ST7: variants seen among roughly 807,000 people sequenced by gnomAD.
The protein encoded by ST7 is suppressor of tumorigenicity 7 protein.
Under a neutral mutation model 78.7 loss-of-function variants are expected in ST7, and 28 were observed. That is an observed-to-expected ratio of 0.36 (90% CI 0.26 to 0.49). ST7 has a LOEUF of 0.49. ST7 is among the 20% of genes least tolerant of loss of function. The pLI is 0.99. For synonymous variants in ST7, 247 were observed against 249.6 expected (o/e 0.99, Z 0.10); for missense variants, 418 against 696.0 (o/e 0.60, Z 4.49).
intron 1 of ST7, chr7:116,967,580 C>G (rs1358390807): frequency 2.8e-6 from 1 of 352,048 alleles, no homozygotes; most frequent in African/African-American, 2.1e-5. Flanking sequence ...GGCGCCCTTA[C>G]CACATTCTAG....
chr7:116,988,447 C>T (rs1352281323), intron 1 of ST7, among the ~76,000 whole-genome samples: 1 of 152,130 alleles, frequency 6.6e-6, no homozygotes, highest in Non-Finnish European at 1.5e-5. Context: ...TTAGTTTTTA[C>T]TGTATTTTTC....
chr7:117,200,143 T>C (rs770168875), intron 12 of ST7, among the ~76,000 whole-genome samples: 2 of 152,102 alleles, frequency 1.3e-5, no homozygotes, highest in Non-Finnish European at 2.9e-5. Context: ...CAAAAACAAA[T>C]AATTTTTAAC....
intron 12 of ST7, among the ~76,000 whole-genome samples, chr7:117,208,096 T>C (rs935573717): frequency 1.3e-5 from 2 of 152,116 alleles, no homozygotes; most frequent in Non-Finnish European, 2.9e-5. Flanking sequence ...TTATTTATAT[T>C]ATGGCTGATA....
chr7:116,986,985 C>T (rs1315489419), intron 1 of ST7, among the ~76,000 whole-genome samples: 2 of 152,314 alleles, frequency 1.3e-5, no homozygotes, highest in African/African-American at 4.8e-5. Flanking sequence ...TTCAAATTCT[C>T]TGAGCCCTTT....
At chr7:117,139,714 C>G (rs1026072978) in intron 9 of ST7, among the ~76,000 whole-genome samples, 1 of 152,126 alleles carries the variant, frequency 6.6e-6, no homozygotes, top group Non-Finnish European at 1.5e-5. Context: ...GATAGATGCT[C>G]TCTAGGAAAG....
At chr7:117,215,931 A>C (rs1052092543) in intron 13 of ST7, among the ~76,000 whole-genome samples, 1 of 152,030 alleles carries the variant, frequency 6.6e-6, no homozygotes, top group African/African-American at 2.4e-5. Context: ...TCTGTATAAA[A>C]TTATCTAAGA....
chr7:117,135,444 G>T (rs933468728), intron 7 of ST7, among the ~76,000 whole-genome samples: 1 of 152,012 alleles, frequency 6.6e-6, no homozygotes, highest in Non-Finnish European at 1.5e-5. Context: ...CTACTTGTAG[G>T]TTCTTCCAGT....
chr7:117,109,730 T>C (rs949876749), intron 2 of ST7, among the ~76,000 whole-genome samples: 1 of 151,918 alleles, frequency 6.6e-6, no homozygotes, highest in African/African-American at 2.4e-5. Flanking sequence ...CAGGAAACAA[T>C]ATAACAAAAA....
chr7:117,198,330 A>C (rs1332720948), intron 12 of ST7: 1 of 456,292 alleles, frequency 2.2e-6, no homozygotes, highest in Non-Finnish European at 4.4e-6. Flanking sequence ...GCTAGGTGGA[A>C]ATAGAGGCTG....
intron 1 of ST7, chr7:117,015,047 G>T: frequency 9.5e-7 from 1 of 1,054,752 alleles, no homozygotes. Flanking sequence ...TTCCAGTTAT[G>T]TAGAATTACT....
intron 1 of ST7, among the ~76,000 whole-genome samples, chr7:116,978,240 GA>G (rs1193808424): frequency 6.6e-6 from 1 of 152,186 alleles, no homozygotes; most frequent in African/African-American, 2.4e-5. Context: ...TCTCTTACCA[GA>G]TAAGAAAGAA....
intron 9 of ST7, among the ~76,000 whole-genome samples, chr7:117,147,769 T>G (rs1040846054): frequency 2.6e-5 from 4 of 152,170 alleles, no homozygotes; most frequent in Non-Finnish European, 4.4e-5. Context: ...CCTCTGTGTT[T>G]GTTGCCTTTT....
At chr7:117,081,795 A>C (rs1451372455) in intron 1 of ST7, among the ~76,000 whole-genome samples, 1 of 152,200 alleles carries the variant, frequency 6.6e-6, no homozygotes, top group African/African-American at 2.4e-5. Flanking sequence ...ATTATTTTTG[A>C]AACATTTTTA....
intron 1 of ST7, among the ~76,000 whole-genome samples, chr7:117,052,488 A>G (rs912187580): frequency 6.6e-6 from 1 of 152,236 alleles, no homozygotes; most frequent in Non-Finnish European, 1.5e-5. Context: ...TTTAATAATA[A>G]CTTTTTTTGT....
chr7:117,159,511 G>C (rs1268348259), intron 9 of ST7, among the ~76,000 whole-genome samples: 1 of 152,100 alleles, frequency 6.6e-6, no homozygotes, highest in Non-Finnish European at 1.5e-5. Flanking sequence ...TAAATAAACA[G>C]AACTATGCTA....
chr7:117,075,608 G>A (rs1278126506), intron 1 of ST7, among the ~76,000 whole-genome samples: 1 of 152,166 alleles, frequency 6.6e-6, no homozygotes, highest in African/African-American at 2.4e-5. Context: ...CCTGCTTCCA[G>A]GCCTGTCTGT....
intron 1 of ST7, among the ~76,000 whole-genome samples, chr7:117,047,401 G>A (rs774263479): frequency 2.0e-5 from 3 of 152,140 alleles, no homozygotes; most frequent in Non-Finnish European, 2.9e-5. Context: ...ATTGTTTTAC[G>A]AAATAGAGCA....
intron 9 of ST7, among the ~76,000 whole-genome samples, chr7:117,156,781 A>G (rs1311252659): frequency 1.3e-5 from 2 of 152,168 alleles, no homozygotes; most frequent in Non-Finnish European, 1.5e-5. Flanking sequence ...CAAGAAAGAT[A>G]AGAACAAAAA....
At chr7:117,154,751 C>T (rs1007089954) in intron 9 of ST7, among the ~76,000 whole-genome samples, 1 of 151,992 alleles carries the variant, frequency 6.6e-6, no homozygotes, top group African/African-American at 2.4e-5. Context: ...TGCCCTTTGG[C>T]CTGAATGTTG....
Sources: allele counts gnomAD v4.1 joint callset (sites outside exome capture counted in the v4.1 genomes callset), GRCh38; gene constraint gnomAD v4.1.1; transcripts MANE v1.5; gene names NCBI Gene and HGNC (gene_info 2026-07-23, HGNC 2026-07-21).